CD207: variants seen among roughly 807,000 people sequenced by gnomAD.
CD207 encodes the protein C-type lectin domain family 4 member K.
CD207 carries 28 observed loss-of-function variants against 31.6 expected under a neutral mutation model. The observed-to-expected ratio is 0.89, with a 90% CI of 0.66 to 1.21. The LOEUF (loss-of-function observed/expected upper bound fraction) is 1.21. CD207 is among the 50% of genes most tolerant of loss of function. The probability of loss-of-function intolerance (pLI) is 0.00; values close to 1 mark genes in which losing one functional copy is unlikely to be tolerated. For synonymous variants in CD207, 168 were observed against 153.9 expected, an observed-to-expected ratio of 1.09 and a Z score of -0.68; for missense variants, 388 against 397.8, an observed-to-expected ratio of 0.98 and a Z score of 0.21.
chr2:70,825,827 G>A (rs528794965), downstream of CD207, among the ~76,000 whole-genome samples: 10 of 152,050 alleles, frequency 6.6e-5, no homozygotes, highest in African/African-American at 2.2e-4. Context: ...GAGCCACTGA[G>A]CCCAGCCTAA....
chr2:70,835,468 G>A (rs781788289), intron 2 of CD207, 23 bp downstream of exon 2: 2 of 1,561,350 alleles, frequency 1.3e-6, no homozygotes. Context: ...GCTAAGCCCA[G>A]ACGATGAAAC....
Position 70,831,205 on chromosome 2 carries a change from C to A in CD207, c.837-5G>T. Reference sequence around the variant, plus strand: ...GGCTCACCTGGAATCCAGAACCTACCAAGAGCGGGGAAAAAGATGGATTTA... The same window carrying A: ...GGCTCACCTGGAATCCAGAACCTACAAAGAGCGGGGAAAAAGATGGATTTA... On this transcript the variant is annotated splice_region_variant and splice_polypyrimidine_tract_variant and intron_variant, in intron 5 of 5. Coordinates refer to ENST00000410009, the MANE Select transcript of CD207 (RefSeq NM_015717.5). 6.3e-7 allele frequency: 1 copy of A among 1,596,782 alleles called. No homozygotes were observed. The highest frequency in any genetic ancestry group is 8.5e-7 in the Non-Finnish European group (1 of 1,173,962).
In CD207 at chr2:70,834,002, G is replaced by A. The variant is rs957871402; in HGVS notation, c.209C>T (p.Thr70Ile). The A allele has an allele frequency of 2.0e-6, 3 of 1,512,432 alleles. No individual in the cohort carries two copies. The highest frequency in any genetic ancestry group is 2.7e-6 in the Non-Finnish European group (3 of 1,131,554). 93.7% of individuals were successfully genotyped at this position (1,512,432 alleles called of 1,614,324 possible). Residue 70 changes from threonine to isoleucine, a missense_variant, in exon 3 of 6, where the codon ACC becomes ATC. Thr to Ile is a moderately conservative substitution (Grantham distance 89). Coordinates refer to ENST00000410009, the MANE Select transcript of CD207 (RefSeq NM_015717.5). ...GACATTGGTCTTTACATCTGATATGGTGCCCATAAACCGGGGATCTGGGAT... is the reference window on the plus strand; with the variant it reads ...GACATTGGTCTTTACATCTGATATGATGCCCATAAACCGGGGATCTGGGAT... ...QAVLYPRFMGTISDVKTNVQL... is the reference protein window; with the variant it reads ...QAVLYPRFMGIISDVKTNVQL...
At chr2:70,824,306 C>T in the CD207 span, among the ~76,000 whole-genome samples, 56 of 113,278 alleles carry the variant, frequency 4.9e-4, no homozygotes, top group Non-Finnish European at 6.0e-4. Context: ...TTATTCCGTT[C>T]GTCTCCTAAC....
chr2:70,831,223 T>A (rs1553399719), intron 5 of CD207, 23 bp from the exon 6 acceptor site: 2 of 1,589,104 alleles, frequency 1.3e-6, no homozygotes, highest in Non-Finnish European at 1.7e-6. Context: ...GGGAAAAAGA[T>A]GGATTTACAA....
rs782592977 is a variant in CD207 at position 70,835,738 on chromosome 2, A to G, written c.39T>C (p.Thr13=). 6.2e-7 allele frequency: 1 copy of G among 1,613,216 alleles called. No homozygotes were observed. The highest frequency in any genetic ancestry group is 8.5e-7 in the Non-Finnish European group (1 of 1,179,626). Residue 13 remains threonine, a synonymous_variant, in exon 1 of 6, where the codon ACT becomes ACC. Transcript: ENST00000410009. ...AGAGGGAGATGTTCTGTTTGTCCAC[A>G]GTGAAGTGCGCATCAGGGGCCTCCT... ...VEKEAPDAHF[T]VDKQNISLWP...
At chr2:70,832,465 T>C (rs571150079) in intron 4 of CD207, among the ~76,000 whole-genome samples, 4 of 152,322 alleles carry the variant, frequency 2.6e-5, no homozygotes, top group African/African-American at 9.6e-5. Flanking sequence ...AAATATTTCT[T>C]TTTTTCTGGG....
At position 70,830,973 on chromosome 2, in the gene CD207, G is replaced by C; in HGVS notation, c.*77C>G. 7.3e-7 allele frequency: 1 copy of C among 1,371,462 alleles called. No individual in the cohort carries two copies. Among genetic ancestry groups the C allele is most frequent in the Non-Finnish European group, 1.0e-6 (1 of 996,204 alleles). The allele number at this position is 1,371,462 out of a possible 1,614,324, so 85.0% of individuals were successfully genotyped here. Reference sequence around the variant, plus strand: ...AATTAACGTGCAAAGTCATCCTGGAGTCTGGGGAAGAAAGAGGCATTTCCT... The same window carrying C: ...AATTAACGTGCAAAGTCATCCTGGACTCTGGGGAAGAAAGAGGCATTTCCT... On this transcript the variant is annotated 3_prime_UTR_variant, in exon 6 of 6. Coordinates refer to ENST00000410009, the MANE Select transcript of CD207 (RefSeq NM_015717.5).
chr2:70,833,422 A>T (rs112552945), intron 3 of CD207, among the ~76,000 whole-genome samples: 12 of 152,224 alleles, frequency 7.9e-5, no homozygotes, highest in African/African-American at 2.9e-4. Context: ...TACATTCTGC[A>T]CTTTTGTGTG....
intron 3 of CD207, 45 bp from the exon 4 acceptor site, chr2:70,833,096 T>C: frequency 2.5e-6 from 4 of 1,605,900 alleles, no homozygotes; most frequent in Non-Finnish European, 2.6e-6. Flanking sequence ...TCTTGATTTC[T>C]TGGGATGCTG....
Position 70,833,655 on chromosome 2 carries a change from T to C in CD207, c.556A>G (p.Lys186Glu). Residue 186 changes from lysine to glutamate, a missense_variant, in exon 3 of 6, where the codon AAA (lysine) becomes GAA (glutamate). Coordinates refer to ENST00000410009, the MANE Select transcript of CD207 (RefSeq NM_015717.5). ...TTTCTGAGTCACTTACTTTGTCGTT[T>C]GAGCAACTTGCTCATATTCTCCAAG... ...GSLENMSKLL[K>E]RQNDILQVVS... 1.2e-6 allele frequency: 2 copies of C among 1,609,906 alleles called. No homozygotes were observed. The highest frequency in any genetic ancestry group is 1.7e-6 in the Non-Finnish European group (2 of 1,177,518).
chr2:70,824,621 C>CAAAAAAAAAAAAAAAAA, the CD207 span, among the ~76,000 whole-genome samples: 34 of 38,262 alleles, frequency 8.9e-4, 4 homozygotes, highest in Non-Finnish European at 1.1e-3. Flanking sequence ...TGCTTAGTTA[C>CAAAAAAAAAAAAAAAAA]CAAAAAAAAA....
rs1232810090 is a variant in CD207, at chr2:70,833,653, T to A, written c.558A>T (p.Lys186Asn). 6.2e-7 allele frequency: 1 copy of A among 1,609,470 alleles called. No individual in the cohort carries two copies. Among genetic ancestry groups the A allele is most frequent in the Admixed American group, 1.7e-5 (1 of 59,426 alleles). ...ATTTTCTGAGTCACTTACTTTGTCGTTTGAGCAACTTGCTCATATTCTCCA... is the reference window on the plus strand; with the variant it reads ...ATTTTCTGAGTCACTTACTTTGTCGATTGAGCAACTTGCTCATATTCTCCA... ...GSLENMSKLL[K>N]RQNDILQVVS... The change falls in exon 3 of 6, where the codon AAA becomes AAT. Residue 186 changes from lysine to asparagine, a missense_variant. By Grantham distance (94) the Lys-to-Asn change is moderately conservative (BLOSUM62 0). Coordinates refer to ENST00000410009, the MANE Select transcript of CD207 (RefSeq NM_015717.5).
intron 3 of CD207, among the ~76,000 whole-genome samples, chr2:70,833,333 G>A (rs1255448228): frequency 3.9e-5 from 6 of 152,198 alleles, no homozygotes; most frequent in Non-Finnish European, 7.3e-5. Context: ...ATGACAAGTG[G>A]CTGAGCCCCT....
intron 2 of CD207, 87 bp downstream of exon 2, chr2:70,835,404 G>A (rs35996262): frequency 0.14 from 121,631 of 889,510 alleles, 8,704 homozygotes; most frequent in Admixed American, 0.2. Flanking sequence ...GGAGAAACCC[G>A]GAGAGCAGGG....
rs533708008 is a variant in CD207 at position 70,831,035 on chromosome 2, T to G, written c.*15A>C. 2.4e-5 allele frequency: 39 copies of G among 1,609,792 alleles called. No individual in the cohort carries two copies. The highest frequency in any genetic ancestry group is 3.2e-5 in the Non-Finnish European group (38 of 1,177,720). On this transcript the variant is annotated 3_prime_UTR_variant, in exon 6 of 6. Transcript: ENST00000410009. ...AGCGTTGGAGCTCAAAGAGTGAGCT[T>G]GGGAGCCTGTCCTGTCACGGTTCTG...
chr2:70,829,516 C>T (rs1423439138), downstream of CD207, among the ~76,000 whole-genome samples: 1 of 152,116 alleles, frequency 6.6e-6, no homozygotes, highest in Non-Finnish European at 1.5e-5. Flanking sequence ...AGAAGTGAAA[C>T]CCATTAAGTA....
downstream of CD207, among the ~76,000 whole-genome samples, chr2:70,829,226 T>C (rs1006479730): frequency 6.6e-6 from 1 of 152,162 alleles, no homozygotes; most frequent in Admixed American, 6.5e-5. Flanking sequence ...TTTCCTCCAT[T>C]GGTGAGGGAG....
At chr2:70,834,490 C>A (rs1553400590) in intron 2 of CD207, among the ~76,000 whole-genome samples, 1 of 152,116 alleles carries the variant, frequency 6.6e-6, no homozygotes, top group Admixed American at 6.5e-5. Context: ...CACATCTGTC[C>A]ATGGGCCCCT....
Sources: allele counts gnomAD v4.1 joint callset (sites outside exome capture counted in the v4.1 genomes callset), GRCh38; gene constraint gnomAD v4.1.1; transcripts MANE v1.5; gene names NCBI Gene and HGNC (gene_info 2026-07-23, HGNC 2026-07-21).